The following TCF20 variants were observed in gnomAD, a reference collection of about 807,000 sequenced individuals.
The protein encoded by TCF20 is SPRE-binding protein.
A neutral mutation model predicts 148.6 loss-of-function variants in TCF20; 3 were observed. The ratio of observed to expected loss-of-function variants is 0.02; its 90% CI spans 0.01 to 0.05. The LOEUF is 0.05. Ranked by LOEUF, TCF20 falls within the 10% of genes least tolerant of loss-of-function variation. The pLI is 1.00. For synonymous variants in TCF20, 1,049 were observed against 909.5 expected (o/e 1.15, Z -2.76); for missense variants, 2,350 against 2,429.3 (o/e 0.97, Z 0.69).
At chr22:42,294,210 C>G (rs1232196883) in intron 1 of TCF20, among the ~76,000 whole-genome samples, 3 of 152,174 alleles carry the variant, frequency 2.0e-5, no homozygotes, top group Non-Finnish European at 2.9e-5. Flanking sequence ...TGCCACTGCA[C>G]CTGCAGTGCG....
At chr22:42,233,332 T>C (rs1279338861) in intron 1 of TCF20, among the ~76,000 whole-genome samples, 1 of 152,218 alleles carries the variant, frequency 6.6e-6, no homozygotes, top group Non-Finnish European at 1.5e-5. Flanking sequence ...CTCATAAGGT[T>C]ATACAGCCAG....
At chr22:42,314,817 C>T (rs1201164083) in intron 1 of TCF20, among the ~76,000 whole-genome samples, 2 of 152,114 alleles carry the variant, frequency 1.3e-5, no homozygotes, top group East Asian at 3.9e-4. Flanking sequence ...GATTCAACAA[C>T]AATAAAGAGG....
intron 2 of TCF20, among the ~76,000 whole-genome samples, chr22:42,180,470 GT>G (rs1936716175): frequency 6.6e-6 from 1 of 152,176 alleles, no homozygotes; most frequent in African/African-American, 2.4e-5. Context: ...GGTAAGAAAT[GT>G]GTCCTATCAG....
At chr22:42,341,058 G>A (rs992161097) in intron 1 of TCF20, among the ~76,000 whole-genome samples, 1 of 152,156 alleles carries the variant, frequency 6.6e-6, no homozygotes, top group Non-Finnish European at 1.5e-5. Flanking sequence ...ATCAAAGCGC[G>A]CGCCGGCTGC....
In TCF20 at chr22:42,213,248, A is replaced by G; in HGVS notation, c.2058T>C (p.Ser686=). ...NGEGNGQSGH[S]AAGPGFTSRT... is the part of the protein sequence containing the mutation. ...TGCTCGTAAAACCAGGGCCCGCTGCAGAGTGGCCACTCTGGCCATTTCCTT... is the reference window on the plus strand; with the variant it reads ...TGCTCGTAAAACCAGGGCCCGCTGCGGAGTGGCCACTCTGGCCATTTCCTT... Residue 686 remains serine, a synonymous_variant, in exon 2 of 6, where the codon TCT becomes TCC. Coordinates refer to ENST00000677622, the MANE Select transcript of TCF20 (RefSeq NM_001378418.1). The G allele has an allele frequency of 6.2e-7, 1 of 1,614,184 alleles. No individual in the cohort carries two copies. Among genetic ancestry groups the G allele is most frequent in the Non-Finnish European group, 8.5e-7 (1 of 1,180,030 alleles).
intron 1 of TCF20, among the ~76,000 whole-genome samples, chr22:42,312,907 G>A (rs1046186906): frequency 1.3e-5 from 2 of 152,180 alleles, no homozygotes; most frequent in Non-Finnish European, 2.9e-5. Flanking sequence ...CAGAGCCCAG[G>A]GGAAAGGTGC....
chr22:42,336,772 G>C (rs1928075157), intron 1 of TCF20, among the ~76,000 whole-genome samples: 1 of 152,094 alleles, frequency 6.6e-6, no homozygotes, highest in Non-Finnish European at 1.5e-5. Context: ...CCCCTGACTA[G>C]GGTGCTCTTC....
intron 1 of TCF20, among the ~76,000 whole-genome samples, chr22:42,332,092 C>T (rs555847333): frequency 1.7e-4 from 26 of 152,322 alleles, no homozygotes; most frequent in Non-Finnish European, 2.6e-4. Context: ...ACCATCCCTG[C>T]CTCCTGGAGT....
intron 1 of TCF20, among the ~76,000 whole-genome samples, chr22:42,249,519 C>A (rs79951539): frequency 6.6e-6 from 1 of 152,272 alleles, no homozygotes; most frequent in East Asian, 1.9e-4. Context: ...GATAAGTGTA[C>A]ACGGCTACTT....
At chr22:42,274,009 G>A (rs997319257), upstream of TCF20, 4 of 152,708 alleles carry the variant, frequency 2.6e-5, no homozygotes, top group Non-Finnish European at 2.9e-5. Context: ...AGAGCAGGCG[G>A]ATGTCCTTCC....
intron 1 of TCF20, among the ~76,000 whole-genome samples, chr22:42,324,886 G>A (rs970339533): frequency 1.3e-5 from 2 of 152,184 alleles, no homozygotes; most frequent in African/African-American, 4.8e-5. Flanking sequence ...GGAATACAAG[G>A]CACATGGGGA....
In TCF20 at chr22:42,292,847, G is replaced by A. The variant is rs1927157805; in HGVS notation, c.-37+50632C>T. Among the ~76,000 whole-genome samples, 1 of 151,070 alleles carries A rather than the reference G, an allele frequency of 6.6e-6. No individual in the cohort carries two copies. The highest frequency in any genetic ancestry group is 2.4e-5 in the African/African-American group (1 of 41,002). On this transcript the variant is annotated intron_variant, in intron 1 of 1. Transcript: ENST00000515426. The surrounding 1 kb of genome is among the most constrained non-coding windows in gnomAD (Gnocchi z 4.9). The stretch of plus-strand genomic sequence containing the variant: ...ACTGAATGACCGGGTCTCAGCTTGA[G>A]CGGCACAGACACATGGCTGGTGTGA...
At chr22:42,197,335 T>C (rs1937643781) in intron 2 of TCF20, among the ~76,000 whole-genome samples, 1 of 151,336 alleles carries the variant, frequency 6.6e-6, no homozygotes, top group Non-Finnish European at 1.5e-5. Context: ...TTTTTTTTTT[T>C]TTTTTGAGAT....
intron 1 of TCF20, among the ~76,000 whole-genome samples, chr22:42,243,302 A>C (rs1256211034): frequency 9.8e-5 from 11 of 112,734 alleles, no homozygotes; most frequent in African/African-American, 4.1e-4. Flanking sequence ...CAAAAAAAAA[A>C]AAAAAAAAAA....
chr22:42,311,465 C>T (rs1927535735), intron 1 of TCF20, among the ~76,000 whole-genome samples: 1 of 152,196 alleles, frequency 6.6e-6, no homozygotes, highest in South Asian at 2.1e-4. Flanking sequence ...GATCACCTTT[C>T]CTAAAGGACA....
intron 1 of TCF20, among the ~76,000 whole-genome samples, chr22:42,232,329 A>G (rs56906457): frequency 0.16 from 23,581 of 152,106 alleles, 2,035 homozygotes; most frequent in Non-Finnish European, 0.2. Flanking sequence ...ATGTTAGAAC[A>G]ACGACAAAAA....
chr22:42,228,922 A>G (rs966030031), intron 1 of TCF20, among the ~76,000 whole-genome samples: 6 of 152,218 alleles, frequency 3.9e-5, no homozygotes, highest in Admixed American at 2.0e-4. Context: ...CTCATGAAGT[A>G]TAAGAACCGT....
chr22:42,319,286 C>G (rs911775665), intron 1 of TCF20, among the ~76,000 whole-genome samples: 4 of 152,176 alleles, frequency 2.6e-5, no homozygotes, highest in Non-Finnish European at 5.9e-5. Flanking sequence ...TCTGGCCCTG[C>G]CCTTCCACTC....
At chr22:42,208,653 C>T (rs1376827668) in intron 2 of TCF20, among the ~76,000 whole-genome samples, 1 of 151,858 alleles carries the variant, frequency 6.6e-6, no homozygotes, top group Non-Finnish European at 1.5e-5. Context: ...GATGATAAAG[C>T]TGAAGAAAGC....
Sources: gnomAD v4.1 joint callset for allele counts (sites outside exome capture counted in the v4.1 genomes callset) on GRCh38, gnomAD v4.1.1 for gene constraint, Gnocchi (gnomAD v3.1) non-coding constraint, MANE v1.5 for transcripts, NCBI Gene and HGNC (gene_info 2026-07-23, HGNC 2026-07-21) for gene names.